The following KCNIP1 variants were observed in gnomAD, a reference collection of about 807,000 sequenced individuals.
The protein encoded by KCNIP1 is potassium voltage-gated channel interacting protein 1, also known as A-type potassium channel modulatory protein KCNIP1.
In KCNIP1, 18 loss-of-function variants were observed where a neutral mutation model predicts 33.0. The observed-to-expected ratio is 0.55, with a 90% confidence interval of 0.38 to 0.81. The LOEUF is 0.81. KCNIP1 is among the 30% of genes least tolerant of loss of function. The probability of loss-of-function intolerance (pLI) is 0.00; values close to 1 mark genes in which losing one functional copy is unlikely to be tolerated. For synonymous variants in KCNIP1, 93 were observed against 98.3 expected, an observed-to-expected ratio of 0.95 and a Z score of 0.32; for missense variants, 238 against 271.6, an observed-to-expected ratio of 0.88 and a Z score of 0.87.
intron 1 of KCNIP1, among the ~76,000 whole-genome samples, chr5:170,580,466 G>A (rs1757749200): frequency 6.6e-6 from 1 of 152,190 alleles, no homozygotes; most frequent in Non-Finnish European, 1.5e-5. Context: ...TTTTGTGCAA[G>A]GTCATGCAGA....
At chr5:170,501,871 C>T (rs565995002), upstream of KCNIP1, among the ~76,000 whole-genome samples, 3 of 152,314 alleles carry the variant, frequency 2.0e-5, no homozygotes, top group South Asian at 4.1e-4. Context: ...GCCCTCTTCT[C>T]GAACAGAGAA....
intron 1 of KCNIP1, among the ~76,000 whole-genome samples, chr5:170,606,183 T>C (rs1243765970): frequency 1.3e-5 from 2 of 152,248 alleles, no homozygotes; most frequent in African/African-American, 4.8e-5. Context: ...TTTTGACCAT[T>C]GTGAATCATG....
chr5:170,466,765 TC>T (rs1756617516), intron 1 of KCNIP1, among the ~76,000 whole-genome samples: 1 of 152,154 alleles, frequency 6.6e-6, no homozygotes. Flanking sequence ...AGGACGCTAA[TC>T]CCATTCATGA....
At chr5:170,540,227 T>G (rs1756146850) in intron 1 of KCNIP1, among the ~76,000 whole-genome samples, 1 of 152,226 alleles carries the variant, frequency 6.6e-6, no homozygotes, top group Admixed American at 6.5e-5. Flanking sequence ...GGAGCTTTCC[T>G]GGGGGCATGG....
intron 1 of KCNIP1, among the ~76,000 whole-genome samples, chr5:170,538,018 T>G (rs535086536): frequency 6.6e-6 from 1 of 152,350 alleles, no homozygotes; most frequent in East Asian, 1.9e-4. Context: ...TTCAGCTCAG[T>G]GCTAATCCCT....
chr5:170,515,112 C>T (rs1755074654), intron 1 of KCNIP1, among the ~76,000 whole-genome samples: 1 of 152,214 alleles, frequency 6.6e-6, no homozygotes, highest in Non-Finnish European at 1.5e-5. Flanking sequence ...ACAGTGTTCA[C>T]ACCAGCTTTG....
At chr5:170,615,060 CA>C (rs1455100692) in intron 1 of KCNIP1, among the ~76,000 whole-genome samples, 1 of 152,114 alleles carries the variant, frequency 6.6e-6, no homozygotes, top group African/African-American at 2.4e-5. Context: ...ACTAAAAATA[CA>C]AAAAATAGCT....
chr5:170,616,690 T>C (rs554166988), intron 1 of KCNIP1, among the ~76,000 whole-genome samples: 2 of 152,296 alleles, frequency 1.3e-5, no homozygotes, highest in Non-Finnish European at 2.9e-5. Context: ...CACTCATCAG[T>C]TTCGGACCCT....
At chr5:170,376,388 C>T (rs1380179851) in intron 1 of KCNIP1, 1 of 151,956 alleles carries the variant, frequency 6.6e-6, no homozygotes, top group Non-Finnish European at 1.5e-5. Flanking sequence ...TGGTCTCGAT[C>T]TCCTGACCTC....
chr5:170,578,328 T>C (rs1206597522), intron 1 of KCNIP1, among the ~76,000 whole-genome samples: 2 of 152,122 alleles, frequency 1.3e-5, no homozygotes, highest in Non-Finnish European at 2.9e-5. Flanking sequence ...TCTGAGAAAG[T>C]GCCTGATAGA....
At chr5:170,732,625 C>T (rs113026029) in intron 5 of KCNIP1, among the ~76,000 whole-genome samples, 175 bp from the exon 6 acceptor site, 326 of 152,056 alleles carry the variant, frequency 2.1e-3, no homozygotes, top group African/African-American at 7.4e-3. Context: ...CTAAGAAGGG[C>T]TCCCACAATA....
At chr5:170,577,252 T>G (rs1473412538) in intron 1 of KCNIP1, among the ~76,000 whole-genome samples, 2 of 152,214 alleles carry the variant, frequency 1.3e-5, no homozygotes, top group Non-Finnish European at 2.9e-5. Flanking sequence ...AGATGCCGAG[T>G]GACTCAATCT....
At chr5:170,653,073 C>T (rs988428714) in intron 1 of KCNIP1, among the ~76,000 whole-genome samples, 1 of 152,210 alleles carries the variant, frequency 6.6e-6, no homozygotes, top group Non-Finnish European at 1.5e-5. Context: ...GGGTCTAGGC[C>T]TGCATCCACT....
At chr5:170,659,744 C>T (rs1761403901) in intron 1 of KCNIP1, among the ~76,000 whole-genome samples, 1 of 152,202 alleles carries the variant, frequency 6.6e-6, no homozygotes, top group Non-Finnish European at 1.5e-5. Context: ...CCTGTGTTTT[C>T]ATCTTCTCTC....
intron 1 of KCNIP1, among the ~76,000 whole-genome samples, chr5:170,410,048 T>A (rs1274548184): frequency 6.6e-6 from 1 of 152,256 alleles, no homozygotes; most frequent in Non-Finnish European, 1.5e-5. Flanking sequence ...TATATGATTT[T>A]GTTCTAAGAT....
At chr5:170,383,733 G>T (rs1293823989) in intron 1 of KCNIP1, 1 of 1,614,122 alleles carries the variant, frequency 6.2e-7, no homozygotes, top group Admixed American at 1.7e-5. Context: ...CCCACCTGCC[G>T]GCAGCTGACA....
At chr5:170,495,550 C>T (rs758378055) in intron 1 of KCNIP1, among the ~76,000 whole-genome samples, 9 of 152,214 alleles carry the variant, frequency 5.9e-5, no homozygotes, top group African/African-American at 9.6e-5. Flanking sequence ...TCCCACATTC[C>T]GCCAAAGTCT....
chr5:170,368,831 C>A (rs1473232118), intron 1 of KCNIP1, among the ~76,000 whole-genome samples: 10 of 152,206 alleles, frequency 6.6e-5, no homozygotes, highest in African/African-American at 2.4e-4. Flanking sequence ...CCTGTGTCCC[C>A]GTGACCAAAC....
intron 1 of KCNIP1, among the ~76,000 whole-genome samples, chr5:170,699,800 G>T (rs1267587530): frequency 1.3e-5 from 2 of 152,080 alleles, no homozygotes. Context: ...GGGAGTCTAG[G>T]GTCTCAGGCC....
Sources: allele counts gnomAD v4.1 joint callset (sites outside exome capture counted in the v4.1 genomes callset), GRCh38; gene constraint gnomAD v4.1.1; transcripts MANE v1.5; gene names NCBI Gene and HGNC (gene_info 2026-07-23, HGNC 2026-07-21).